SGIP1: variants seen among roughly 807,000 people sequenced by gnomAD.
SGIP1 encodes the protein SH3GL interacting endocytic adaptor 1.
SGIP1 carries 38 observed loss-of-function variants against 107.5 expected under a neutral mutation model. The observed-to-expected ratio is 0.35, with a 90% CI of 0.27 to 0.46. The LOEUF (loss-of-function observed/expected upper bound fraction) is 0.46. Among genes scored for constraint, SGIP1 ranks in the 20% least tolerant of loss-of-function variants. The pLI, the probability that SGIP1 is intolerant of heterozygous loss-of-function variation, is 1.00. For synonymous variants in SGIP1, 365 were observed against 366.1 expected, an observed-to-expected ratio of 1.00 and a Z score of 0.03; for missense variants, 929 against 1,019.5, an observed-to-expected ratio of 0.91 and a Z score of 1.21.
intron 1 of SGIP1, among the ~76,000 whole-genome samples, chr1:66,575,798 G>A (rs923260527): frequency 6.6e-6 from 1 of 152,112 alleles, no homozygotes; most frequent in African/African-American, 2.4e-5. Context: ...TAAAATGTGT[G>A]GTGTGTGTGT....
At chr1:66,692,315 A>T (rs1282000635) in intron 17 of SGIP1, among the ~76,000 whole-genome samples, 1 of 152,192 alleles carries the variant, frequency 6.6e-6, no homozygotes, top group East Asian at 1.9e-4. Flanking sequence ...CCAGAGTGGG[A>T]TTAAAAAAAA....
At chr1:66,660,043 G>GGAAGGAAGGAAAAAGAAAGA (rs1553131726) in intron 7 of SGIP1, 1 of 108,068 alleles carries the variant, frequency 9.3e-6, no homozygotes, top group Non-Finnish European at 1.6e-5. Context: ...AGGAAGGAAA[G>GGAAGGAAGGAAAAAGAAAGA]AAAGAAAGAA....
At position 66,652,253 on chromosome 1, in the gene SGIP1, AG is replaced by A. The variant is rs1038751885; in HGVS notation, c.460-8258del. Among the ~76,000 whole-genome samples, 6 of 151,682 alleles carry A rather than the reference AG, an allele frequency of 4.0e-5. 1 individual carries two copies. Among genetic ancestry groups the A allele is most frequent in the Non-Finnish European group, 8.8e-5 (6 of 68,022 alleles). On this transcript the variant is annotated intron_variant, in intron 7 of 24. Transcript: ENST00000371037. ...CCAGTTCAGTGCTGTCTCCCAGAAA[AG>A]GTGCCATTAAATATCAATCACCTTC...
chr1:66,735,488 G>A lies in SGIP1; in HGVS notation c.2031+1608G>A, dbSNP rs912712636. ...CCTTGGCCTCCCAAAGTGCCACTGT[G>A]CCCAGCCAAGATCAACTTTTAAATA... is the stretch of plus-strand genomic sequence containing the variant. On this transcript the variant is annotated intron_variant, in intron 21 of 24. Coordinates refer to ENST00000371037, the MANE Select transcript of SGIP1 (RefSeq NM_032291.4). Among the ~76,000 whole-genome samples, 7 of 152,158 alleles carry A rather than the reference G, an allele frequency of 4.6e-5. No homozygotes were observed. The East Asian group carries it at 1.4e-3, about 30-fold the overall frequency.
intron 20 of SGIP1, among the ~76,000 whole-genome samples, chr1:66,732,195 T>C (rs2094044226): frequency 6.6e-6 from 1 of 152,240 alleles, no homozygotes; most frequent in Non-Finnish European, 1.5e-5. Flanking sequence ...ATATTAATTC[T>C]GAACCTCTAT....
At chr1:66,631,896 C>T (rs1335570618) in intron 2 of SGIP1, among the ~76,000 whole-genome samples, 2 of 152,120 alleles carry the variant, frequency 1.3e-5, no homozygotes, top group African/African-American at 4.8e-5. Context: ...TAATACGTAT[C>T]GCTGTATGTT....
In SGIP1 at chr1:66,681,856, A is replaced by C. The variant is rs1440318889; in HGVS notation, c.815-13A>C. 1.2e-6 allele frequency: 2 copies of C among 1,602,824 alleles called. No individual in the cohort carries two copies. The highest frequency in any genetic ancestry group is 1.7e-6 in the Non-Finnish European group (2 of 1,174,104). On this transcript the variant is annotated splice_polypyrimidine_tract_variant and intron_variant, in intron 14 of 24. Coordinates refer to ENST00000371037, the MANE Select transcript of SGIP1 (RefSeq NM_032291.4). ...AGTCAATTAAAGTTTAAAATCAACT[A>C]CTTTAACCACAGGAAATGACCAGTC...
intron 1 of SGIP1, among the ~76,000 whole-genome samples, chr1:66,587,752 T>C (rs2062861709): frequency 6.6e-6 from 1 of 152,110 alleles, no homozygotes. Flanking sequence ...ATTAACCACA[T>C]TGCCTCTACC....
At chr1:66,542,182 A>G (rs1221779817) in intron 1 of SGIP1, among the ~76,000 whole-genome samples, 1 of 152,084 alleles carries the variant, frequency 6.6e-6, no homozygotes, top group Admixed American at 6.5e-5. Flanking sequence ...ATCAGTAGGT[A>G]TCAGTTTTAC....
At chr1:66,555,655 G>T (rs2058073542) in intron 1 of SGIP1, among the ~76,000 whole-genome samples, 1 of 152,144 alleles carries the variant, frequency 6.6e-6, no homozygotes, top group Admixed American at 6.5e-5. Context: ...ATATGGTCTT[G>T]TAGTTTCAGA....
intron 3 of SGIP1, 72 bp downstream of exon 3, chr1:66,633,166 C>CTT: frequency 9.8e-7 from 1 of 1,021,124 alleles, no homozygotes; most frequent in Non-Finnish European, 1.5e-6. Context: ...TCTCAAAGCC[C>CTT]TTTTTTTTTC....
chr1:66,567,365 G>C (rs2059796219), intron 1 of SGIP1, among the ~76,000 whole-genome samples: 1 of 151,846 alleles, frequency 6.6e-6, no homozygotes, highest in African/African-American at 2.4e-5. Context: ...TTTTTTTCTT[G>C]TAAATTTGTT....
chr1:66,590,985 C>T (rs2063529129), intron 1 of SGIP1, among the ~76,000 whole-genome samples: 1 of 152,216 alleles, frequency 6.6e-6, no homozygotes, highest in African/African-American at 2.4e-5. Context: ...ACAAAATATC[C>T]ACTCTTACCA....
intron 1 of SGIP1, among the ~76,000 whole-genome samples, chr1:66,572,426 G>C (rs1041231744): frequency 6.6e-6 from 1 of 151,862 alleles, no homozygotes; most frequent in East Asian, 1.9e-4. Context: ...TTTTTTTCCC[G>C]ACCCAGCAAT....
chr1:66,576,163 TAAC>T (rs904974983), intron 1 of SGIP1, among the ~76,000 whole-genome samples: 1 of 152,192 alleles, frequency 6.6e-6, no homozygotes, highest in Non-Finnish European at 1.5e-5. Flanking sequence ...TTAAAGTTGT[TAAC>T]AAAGAAGGAG....
chr1:66,604,566 T>C (rs529468228), intron 1 of SGIP1, among the ~76,000 whole-genome samples: 29 of 152,322 alleles, frequency 1.9e-4, no homozygotes, highest in African/African-American at 6.0e-4. Context: ...CTTGACCAAG[T>C]CCGTTTAACT....
chr1:66,660,632 T>G, intron 8 of SGIP1, 108 bp downstream of exon 8: 6 of 1,088,086 alleles, frequency 5.5e-6, no homozygotes, highest in Non-Finnish European at 5.6e-6. Context: ...AACAAGGTTT[T>G]GAACTTTAAA....
At chr1:66,698,379 C>CTTT (rs397739553) in intron 18 of SGIP1, among the ~76,000 whole-genome samples, 11 of 137,266 alleles carry the variant, frequency 8.0e-5, no homozygotes, top group South Asian at 2.3e-4. Flanking sequence ...ATGGTGATGA[C>CTTT]TTTTTTTTTT....
At chr1:66,577,758 G>C (rs1001914701) in intron 1 of SGIP1, among the ~76,000 whole-genome samples, 1 of 24,132 alleles carries the variant, frequency 4.1e-5, no homozygotes. Context: ...ATGCAGTCCT[G>C]TGTGTGTGTG....
Sources: allele counts gnomAD v4.1 joint callset (sites outside exome capture counted in the v4.1 genomes callset), GRCh38; gene constraint gnomAD v4.1.1; transcripts MANE v1.5; gene names NCBI Gene and HGNC (gene_info 2026-07-23, HGNC 2026-07-21).